CERK: variants seen among roughly 807,000 people sequenced by gnomAD.
CERK encodes acylsphingosine kinase.
A neutral mutation model predicts 63.4 loss-of-function variants in CERK; 39 were observed. The ratio of observed to expected loss-of-function variants is 0.61; its 90% CI spans 0.48 to 0.80. CERK has a LOEUF of 0.80. CERK is among the 30% of genes least tolerant of loss of function. The pLI, the probability that CERK is intolerant of heterozygous loss-of-function variation, is 0.00. For missense variants in CERK, 670 were observed against 714.1 expected (o/e 0.94, Z 0.70); for synonymous variants, 302 against 280.0 (o/e 1.08, Z -0.78).
intron 6 of CERK, among the ~76,000 whole-genome samples, chr22:46,707,413 C>T (rs558324843): frequency 2.8e-4 from 42 of 152,172 alleles, no homozygotes; most frequent in Non-Finnish European, 5.0e-4. Context: ...CCCTTGGTTC[C>T]GCCCCCACCT....
At chr22:46,737,489 G>C (rs2082980645) in intron 1 of CERK, among the ~76,000 whole-genome samples, 1 of 152,178 alleles carries the variant, frequency 6.6e-6, no homozygotes, top group Admixed American at 6.5e-5. Flanking sequence ...ATCCCGAGCA[G>C]GGAGCACACC....
rs529832733 is a variant in CERK at position 46,712,274 on chromosome 22, T to C, written c.399A>G (p.Leu133=). 6.2e-7 allele frequency: 1 copy of C among 1,614,040 alleles called. No homozygotes were observed. The highest frequency in any genetic ancestry group is 8.5e-7 in the Non-Finnish European group (1 of 1,179,880). Residue 133 remains leucine (L), a synonymous_variant, in exon 4 of 13, where the codon TTA becomes TTG. Transcript: ENST00000216264. The part of the protein sequence containing the change: ...LEKLTSRPKH[L]LVFINPFGGK... ...CTCCAAACGGGTTGATAAATACCAG[T>C]AAATGCTTTGGTCTGGACGCTGTAA...
intron 5 of CERK, among the ~76,000 whole-genome samples, chr22:46,710,199 C>A (rs148989912): frequency 2.7e-4 from 41 of 152,230 alleles, no homozygotes; most frequent in African/African-American, 9.1e-4. Flanking sequence ...GAGGCTGAGG[C>A]GGGTCGCGTG....
At chr22:46,701,530 A>C (rs2082783862) in intron 7 of CERK, 106 bp downstream of exon 7, 1 of 929,102 alleles carries the variant, frequency 1.1e-6, no homozygotes, top group Admixed American at 2.3e-5. Context: ...CACGGCCAGG[A>C]CAGGACGGCA....
chr22:46,729,020 G>A (rs1453552321), intron 1 of CERK, among the ~76,000 whole-genome samples: 2 of 152,230 alleles, frequency 1.3e-5, no homozygotes, highest in East Asian at 3.8e-4. Context: ...CTCGCCACAT[G>A]AGACAGACCT....
chr22:46,704,545 G>A (rs896675255), intron 6 of CERK, among the ~76,000 whole-genome samples: 5 of 152,222 alleles, frequency 3.3e-5, no homozygotes, highest in African/African-American at 1.2e-4. Context: ...GAAAGTGACA[G>A]GCCGGGCATG....
At chr22:46,687,538 C>T (rs2082708806) in intron 12 of CERK, among the ~76,000 whole-genome samples, 2 of 152,224 alleles carry the variant, frequency 1.3e-5, no homozygotes, top group South Asian at 4.1e-4. Flanking sequence ...ACTCCAGCAC[C>T]CCCATGGAAA....
At chr22:46,695,112 TCCA>T in intron 9 of CERK, 95 bp downstream of exon 9, 1 of 703,576 alleles carries the variant, frequency 1.4e-6, no homozygotes, top group East Asian at 2.5e-5. Flanking sequence ...TCCGGCACCT[TCCA>T]CCACATTTGG....
chr22:46,684,789 C>G lies in CERK; in HGVS notation c.*2345G>C, dbSNP rs1163369994. The G allele has an allele frequency of 6.6e-6, 1 of 152,204 alleles. No individual in the cohort carries two copies. The highest frequency in any genetic ancestry group is 1.5e-5 in the Non-Finnish European group (1 of 68,042). 9.4% of individuals were successfully genotyped at this position (152,204 alleles called of 1,614,324 possible). A position where few individuals can be genotyped will look rare whatever the true frequency, so the allele number is the denominator to read the frequency against. Reference sequence around the variant, plus strand: ...GAAAGGCTGCCCCGGAAATCAGAGCCTATCTAGCGGGAATGTCTGGGCAGT... The same window carrying G: ...GAAAGGCTGCCCCGGAAATCAGAGCGTATCTAGCGGGAATGTCTGGGCAGT... On this transcript the variant is annotated 3_prime_UTR_variant, in exon 13 of 13. Coordinates refer to ENST00000216264, the MANE Select transcript of CERK (RefSeq NM_022766.6).
intron 1 of CERK, among the ~76,000 whole-genome samples, chr22:46,723,449 T>A (rs2082902515): frequency 6.6e-6 from 1 of 152,016 alleles, no homozygotes; most frequent in East Asian, 2.0e-4. Context: ...TGAAACCCCG[T>A]CTCTACTAAA....
At chr22:46,693,887 G>C in intron 9 of CERK, 1 of 270,214 alleles carries the variant, frequency 3.7e-6, no homozygotes, top group South Asian at 3.9e-5. Flanking sequence ...ATCATACAGG[G>C]TTTATCTGTT....
chr22:46,738,249 CGGCGGGA>C (rs2082986561), exon 1 of CERK: 3 of 718,820 alleles, frequency 4.2e-6, no homozygotes, highest in Admixed American at 7.1e-5. Flanking sequence ...GGGCGGCGGG[CGGCGGGA>C]GGCGGCGCTG....
At chr22:46,719,634 T>C (rs896874864) in intron 3 of CERK, among the ~76,000 whole-genome samples, 1 of 152,120 alleles carries the variant, frequency 6.6e-6, no homozygotes, top group Non-Finnish European at 1.5e-5. Flanking sequence ...ATCGCGCCAC[T>C]GAACTCCAGC....
chr22:46,722,290 G>A (rs1056083344), intron 1 of CERK, among the ~76,000 whole-genome samples: 6 of 152,180 alleles, frequency 3.9e-5, no homozygotes, highest in African/African-American at 9.7e-5. Context: ...AGGAACCTGG[G>A]AGGGTAGTGT....
chr22:46,726,313 C>T (rs917719918), intron 1 of CERK, among the ~76,000 whole-genome samples: 5 of 152,230 alleles, frequency 3.3e-5, no homozygotes, highest in Admixed American at 6.5e-5. Context: ...CAAGCTGCCA[C>T]GTGAGGACCG....
At chr22:46,711,798 A>T (rs2082842326) in intron 4 of CERK, among the ~76,000 whole-genome samples, 1 of 152,202 alleles carries the variant, frequency 6.6e-6, no homozygotes, top group Non-Finnish European at 1.5e-5. Context: ...ACAGGATAAA[A>T]ATCTTGGGCT....
Position 46,686,768 on chromosome 22 carries a change from C to A in CERK, c.*366G>T. 4.7e-6 allele frequency: 1 copy of A among 212,446 alleles called. No homozygotes were observed. The highest frequency in any genetic ancestry group is 9.7e-6 in the Non-Finnish European group (1 of 103,398). 13.2% of individuals were successfully genotyped at this position (212,446 alleles called of 1,614,324 possible). Reference sequence around the variant, plus strand: ...AAAGTGACCCACTGCTACCTCAGGCCCAGATGGTGTGACCTGCGTGGAAAT... The same window carrying A: ...AAAGTGACCCACTGCTACCTCAGGCACAGATGGTGTGACCTGCGTGGAAAT... On this transcript the variant is annotated 3_prime_UTR_variant, in exon 13 of 13. Coordinates refer to ENST00000216264, the MANE Select transcript of CERK (RefSeq NM_022766.6).
At chr22:46,703,274 T>C (rs775507237) in intron 6 of CERK, among the ~76,000 whole-genome samples, 6 of 152,194 alleles carry the variant, frequency 3.9e-5, no homozygotes, top group South Asian at 2.1e-4. Flanking sequence ...CAGTGACATC[T>C]GTCCCGGAGG....
chr22:46,691,511 G>C (rs998071511), intron 11 of CERK, 61 bp downstream of exon 11: 1 of 1,379,296 alleles, frequency 7.3e-7, no homozygotes, highest in Non-Finnish European at 1.0e-6. Flanking sequence ...ACATAAACCA[G>C]GGACTGCTGG....
Sources: gnomAD v4.1 joint callset for allele counts (sites outside exome capture counted in the v4.1 genomes callset) on GRCh38, gnomAD v4.1.1 for gene constraint, MANE v1.5 for transcripts, NCBI Gene and HGNC (gene_info 2026-07-23, HGNC 2026-07-21) for gene names.